Variants in ZNF827 observed in about 807,000 individuals in gnomAD.
ZNF827 encodes zinc finger protein 827.
ZNF827 carries 13 observed loss-of-function variants against 102.4 expected under a neutral mutation model. That is an observed-to-expected ratio of 0.13 (90% confidence interval 0.08 to 0.20). The LOEUF is 0.20. Among genes scored for constraint, ZNF827 ranks in the 10% least tolerant of loss-of-function variants. ZNF827 has a pLI of 1.00. For synonymous variants in ZNF827, 523 were observed against 536.2 expected (o/e 0.98, Z 0.34); for missense variants, 1,103 against 1,344.4 (o/e 0.82, Z 2.81).
intron 8 of ZNF827, among the ~76,000 whole-genome samples, chr4:145,815,923 G>C (rs1579271882): frequency 6.6e-6 from 1 of 152,252 alleles, no homozygotes; most frequent in Non-Finnish European, 1.5e-5. Flanking sequence ...GGAATATTAT[G>C]TGAGCACATA....
At chr4:145,878,369 T>G (rs1472473522) in intron 4 of ZNF827, among the ~76,000 whole-genome samples, 1 of 152,066 alleles carries the variant, frequency 6.6e-6, no homozygotes, top group African/African-American at 2.4e-5. Flanking sequence ...TGGTGAAGAC[T>G]GTTAACAGTT....
intron 5 of ZNF827, among the ~76,000 whole-genome samples, chr4:145,854,113 C>G (rs1188278110): frequency 6.6e-6 from 1 of 151,724 alleles, no homozygotes; most frequent in African/African-American, 2.4e-5. Flanking sequence ...ATCTTCCAAA[C>G]TAGGAGTTTG....
chr4:145,787,122 C>T (rs1738966440), intron 8 of ZNF827, among the ~76,000 whole-genome samples: 1 of 152,236 alleles, frequency 6.6e-6, no homozygotes, highest in African/African-American at 2.4e-5. Context: ...AAGATTTCTG[C>T]TGGCCAAGGT....
intron 4 of ZNF827, among the ~76,000 whole-genome samples, chr4:145,874,257 C>G (rs960633139): frequency 3.3e-5 from 5 of 152,212 alleles, no homozygotes; most frequent in South Asian, 2.1e-4. Context: ...CTGGATTATA[C>G]ATTTGCAAGG....
At chr4:145,783,033 T>C (rs1738324154) in intron 8 of ZNF827, among the ~76,000 whole-genome samples, 1 of 152,040 alleles carries the variant, frequency 6.6e-6, no homozygotes, top group South Asian at 2.1e-4. Context: ...GTTGTACCAC[T>C]TTTCCTATTA....
At chr4:145,785,708 C>A (rs749154309) in intron 8 of ZNF827, among the ~76,000 whole-genome samples, 9 of 152,302 alleles carry the variant, frequency 5.9e-5, no homozygotes, top group Middle Eastern at 3.4e-3. Flanking sequence ...CCCCAGGTAA[C>A]CTGGCTAGTG....
At position 145,902,395 on chromosome 4, in the gene ZNF827, C is replaced by T. The variant is rs773933370; in HGVS notation, c.864G>A (p.Ala288=). Residue 288 remains alanine (A), a synonymous_variant, in exon 2 of 15, where the codon GCG becomes GCA. Transcript: ENST00000508784. The surrounding 1 kb of genome is among the most constrained non-coding windows in gnomAD (Gnocchi z 4.3). ...TTGCGGCCACCTCCTTCAGAAGGGC[C>T]GCTGAGGAGGTCATAGAAGCCAGGG... ...FLSLASMTSS[A]ALLKEVAARA... is the part of the protein sequence containing the mutation. The T allele has an allele frequency of 2.3e-5, 37 of 1,613,878 alleles. No individual in the cohort carries two copies. The highest frequency in any genetic ancestry group is 1.6e-4 in the South Asian group (15 of 91,066).
At chr4:145,820,424 G>A (rs143543536) in intron 8 of ZNF827, among the ~76,000 whole-genome samples, 206 of 152,258 alleles carry the variant, frequency 1.4e-3, no homozygotes, top group Non-Finnish European at 1.4e-3. Context: ...GAACAAAGAC[G>A]TTTGCTAAGT....
intron 3 of ZNF827, among the ~76,000 whole-genome samples, chr4:145,887,763 C>A (rs779514565): frequency 6.6e-6 from 1 of 152,322 alleles, no homozygotes; most frequent in South Asian, 2.1e-4. Context: ...GACCAATTCA[C>A]GCAGAAGCAG....
chr4:145,893,167 A>G (rs1482709389), intron 2 of ZNF827, among the ~76,000 whole-genome samples: 1 of 152,176 alleles, frequency 6.6e-6, no homozygotes, highest in Non-Finnish European at 1.5e-5. Flanking sequence ...AAATGCTCCA[A>G]TCTTTCAAGA....
Position 145,761,646 on chromosome 4 carries a change from GGCAGCCGC to G in ZNF827, c.*18-56_*18-49del. Reference sequence around the variant, plus strand: ...GGAGGTTCAGCCGGGAAGGTTCGGAGGCAGCCGCGCTTCTCGCCGCCTCACCAGCCTTC... The same window carrying G: ...GGAGGTTCAGCCGGGAAGGTTCGGAGGCTTCTCGCCGCCTCACCAGCCTTC... On this transcript the variant is annotated intron_variant, in intron 14 of 14. Transcript: ENST00000508784. The surrounding 1 kb of genome is among the most constrained non-coding windows in gnomAD (Gnocchi z 6.8). 1 of 1,147,604 alleles carries G rather than the reference GGCAGCCGC, an allele frequency of 8.7e-7. No homozygotes were observed. The highest frequency in any genetic ancestry group is 1.1e-6 in the Non-Finnish European group (1 of 883,026). 71.1% of individuals were successfully genotyped at this position (1,147,604 alleles called of 1,614,324 possible).
rs1215500942 is a variant in ZNF827 at position 145,775,966 on chromosome 4, G to A, written c.2522-6C>T. ...GCATTTGTATTTTCTTTCCTCTGGG[G>A]GAGAAGGAACAGGAAAAAGCCCAAA... On this transcript the variant is annotated splice_polypyrimidine_tract_variant and splice_region_variant and intron_variant, in intron 9 of 14. Coordinates refer to ENST00000508784, the MANE Select transcript of ZNF827 (RefSeq NM_001306215.2). 2 of 1,614,102 alleles carry A rather than the reference G, an allele frequency of 1.2e-6. No individual in the cohort carries two copies. The highest frequency in any genetic ancestry group is 1.7e-6 in the Non-Finnish European group (2 of 1,180,020).
intron 1 of ZNF827, among the ~76,000 whole-genome samples, chr4:145,907,565 C>T (rs981240264): frequency 2.6e-5 from 4 of 152,212 alleles, no homozygotes; most frequent in Non-Finnish European, 5.9e-5. Context: ...TTCACATGGT[C>T]ACAGAGCAGC....
intron 8 of ZNF827, among the ~76,000 whole-genome samples, chr4:145,806,152 T>C (rs1014291974): frequency 2.0e-5 from 3 of 148,088 alleles, no homozygotes; most frequent in Admixed American, 6.7e-5. Flanking sequence ...ATGAACTTTT[T>C]TTTTTTTTTT....
chr4:145,879,582 G>C (rs748464564), intron 4 of ZNF827, among the ~76,000 whole-genome samples: 4 of 152,132 alleles, frequency 2.6e-5, no homozygotes, highest in Non-Finnish European at 4.4e-5. Flanking sequence ...TTCCAGTCAT[G>C]ACTCTTTTAT....
At chr4:145,923,842 T>TA (rs1329912869) in intron 1 of ZNF827, among the ~76,000 whole-genome samples, 1 of 152,184 alleles carries the variant, frequency 6.6e-6, no homozygotes. Flanking sequence ...GATAAATAGA[T>TA]ACAATGCATA....
In ZNF827 at chr4:145,885,696, A is replaced by C. The variant is rs371203210; in HGVS notation, c.1729T>G (p.Phe577Val). Residue 577 changes from phenylalanine (F) to valine (V), a missense_variant, in exon 4 of 15, where the codon TTT (phenylalanine) becomes GTT (valine). Transcript: ENST00000508784. ...QDISVKMASD[F>V]LMKLSAANQK... The stretch of plus-strand genomic sequence containing the variant: ...CAAGTACCTGACAGCTTCATGAGAA[A>C]ATCAGACGCCATCTTAACAGAGATG... The C allele has an allele frequency of 3.3e-6, 5 of 1,533,824 alleles. No homozygotes were observed. The highest frequency in any genetic ancestry group is 4.4e-6 in the Non-Finnish European group (5 of 1,142,760).
At chr4:145,794,165 T>C (rs1311273534) in intron 8 of ZNF827, among the ~76,000 whole-genome samples, 6 of 152,212 alleles carry the variant, frequency 3.9e-5, no homozygotes, top group Non-Finnish European at 7.3e-5. Context: ...CTGTGAACAT[T>C]TGTAACCTTA....
At chr4:145,788,902 A>G (rs1008452711) in intron 8 of ZNF827, among the ~76,000 whole-genome samples, 4 of 152,190 alleles carry the variant, frequency 2.6e-5, no homozygotes, top group Non-Finnish European at 5.9e-5. Context: ...ATGTTTATTT[A>G]CTCAATGTCT....
Sources: allele counts gnomAD v4.1 joint callset (sites outside exome capture counted in the v4.1 genomes callset), GRCh38; gene constraint gnomAD v4.1.1; non-coding constraint Gnocchi (gnomAD v3.1); transcripts MANE v1.5; gene names NCBI Gene and HGNC (gene_info 2026-07-23, HGNC 2026-07-21).